Variants in HPS3 observed in about 807,000 individuals in gnomAD.
HPS3 encodes HPS3 biogenesis of lysosomal organelles complex 2 subunit 1.
In HPS3, 79 loss-of-function variants were observed where a neutral mutation model predicts 110.9. The ratio of observed to expected loss-of-function variants is 0.71; its 90% CI spans 0.59 to 0.86. The LOEUF (loss-of-function observed/expected upper bound fraction) is 0.86, where lower values mean the gene tolerates loss of function less well. Among genes scored for constraint, HPS3 ranks in the 40% least tolerant of loss-of-function variants. The pLI, the probability that HPS3 is intolerant of heterozygous loss-of-function variation, is 0.00. For synonymous variants in HPS3, 428 were observed against 451.0 expected, an observed-to-expected ratio of 0.95 and a Z score of 0.65; for missense variants, 1,197 against 1,206.2, an observed-to-expected ratio of 0.99 and a Z score of 0.11.
chr3:149,148,480 G>A (rs57834256), intron 5 of HPS3, among the ~76,000 whole-genome samples: 2,259 of 139,262 alleles, frequency 0.016, 68 homozygotes, highest in African/African-American at 0.058. Context: ...TCAGCTCACT[G>A]CAACCTCCAC....
At chr3:149,159,921 A>G (rs1287755646) in intron 10 of HPS3, 125 bp from the exon 11 acceptor site, 3 of 721,826 alleles carry the variant, frequency 4.2e-6, no homozygotes, top group Non-Finnish European at 7.5e-6. Flanking sequence ...AAAACATAAT[A>G]CTATAATTTT....
At position 149,145,412 on chromosome 3, in the gene HPS3, T is replaced by G. The variant is rs1337789289; in HGVS notation, c.1029T>G (p.Phe343Leu). The change falls in exon 5 of 17, where the codon TTT (phenylalanine) becomes TTG (leucine). Residue 343 changes from phenylalanine (F) to leucine (L), a missense_variant. Transcript: ENST00000296051. Reference sequence around the variant, plus strand: ...AGGAAAAAGAATTGCTGAGTCTCTTTTGCTTTTTCTCCTTACCTCATGTGG... The same window carrying G: ...AGGAAAAAGAATTGCTGAGTCTCTTGTGCTTTTTCTCCTTACCTCATGTGG... ...LSQEKELLSLFCFFSLPHVGY... is the reference protein window; with the variant it reads ...LSQEKELLSLLCFFSLPHVGY... 1 of 1,614,022 alleles carries G rather than the reference T, an allele frequency of 6.2e-7. No individual in the cohort carries two copies. Among genetic ancestry groups the G allele is most frequent in the Non-Finnish European group, 8.5e-7 (1 of 1,180,002 alleles).
At chr3:149,150,783 G>A (rs564846944) in intron 6 of HPS3, 103 bp downstream of exon 6, 2 of 899,424 alleles carry the variant, frequency 2.2e-6, no homozygotes, top group East Asian at 2.4e-5. Context: ...GAACAAAAGA[G>A]CTTAAGGTTG....
Position 149,140,504 on chromosome 3 carries a change from T to G in HPS3, c.712+6T>G. ...AATAAGACGGACAGAAGAAGGTAAATAATGAATTTGACTTGCTTTCTTGTT... is the reference window on the plus strand; with the variant it reads ...AATAAGACGGACAGAAGAAGGTAAAGAATGAATTTGACTTGCTTTCTTGTT... On this transcript the variant is annotated splice_donor_region_variant and intron_variant, in intron 2 of 16. Transcript: ENST00000296051. 6.2e-7 allele frequency: 1 copy of G among 1,614,006 alleles called. No homozygotes were observed. The highest frequency in any genetic ancestry group is 8.5e-7 in the Non-Finnish European group (1 of 1,179,958).
At chr3:149,168,100 A>G (rs2108187870) in intron 16 of HPS3, 117 bp downstream of exon 16, 1 of 686,632 alleles carries the variant, frequency 1.5e-6, no homozygotes, top group East Asian at 2.7e-5. Context: ...TTTCAGAACC[A>G]TCTGGGGAGC....
intron 1 of HPS3, 78 bp downstream of exon 1, chr3:149,130,018 G>A: frequency 7.4e-7 from 1 of 1,357,596 alleles, no homozygotes; most frequent in Non-Finnish European, 1.0e-6. Context: ...CGTCTGGGCT[G>A]TAGCTCTAGC....
intron 16 of HPS3, among the ~76,000 whole-genome samples, chr3:149,171,289 T>A (rs946156523): frequency 6.0e-5 from 9 of 148,798 alleles, no homozygotes; most frequent in African/African-American, 1.5e-4. Context: ...AAAAAAAAAA[T>A]ATATTGTTCA....
intron 1 of HPS3, among the ~76,000 whole-genome samples, chr3:149,133,510 G>A (rs557770191): frequency 6.6e-6 from 1 of 152,112 alleles, no homozygotes; most frequent in South Asian, 2.1e-4. Flanking sequence ...GGTTGGTCAG[G>A]CTGGTCTCAA....
rs1316218323 is a variant in HPS3 at position 149,145,351 on chromosome 3, C to T, written c.971-3C>T. On this transcript the variant is annotated splice_polypyrimidine_tract_variant and splice_region_variant and intron_variant, in intron 4 of 16. Coordinates refer to ENST00000296051, the MANE Select transcript of HPS3 (RefSeq NM_032383.5). ...GTTTTATTTCTTTCATTTTTGCATG[C>T]AGGTTCTCTTACATCTGATGGAAAA... The T allele has an allele frequency of 6.2e-7, 1 of 1,607,044 alleles. No individual in the cohort carries two copies. The highest frequency in any genetic ancestry group is 2.2e-5 in the East Asian group (1 of 44,848).
Position 149,153,666 on chromosome 3 carries a change from C to A in HPS3, c.1400+18C>A. ...AGGCTTCTGTAAGCATCCCCTTGCC[C>A]CAGGCATTCCTGCCAGTTTCTGGAA... is the stretch of plus-strand genomic sequence containing the variant. On this transcript the variant is annotated intron_variant, in intron 7 of 16. Transcript: ENST00000296051. 6.2e-7 allele frequency: 1 copy of A among 1,613,420 alleles called. No individual in the cohort carries two copies. The highest frequency in any genetic ancestry group is 1.1e-5 in the South Asian group (1 of 91,058).
chr3:149,168,265 A>T (rs188100826), intron 16 of HPS3: 3 of 372,348 alleles, frequency 8.1e-6, no homozygotes, highest in Non-Finnish European at 1.5e-5. Flanking sequence ...AAATGTGAGT[A>T]GTCATTAAGG....
chr3:149,172,292 A>G lies in HPS3; in HGVS notation c.*70A>G. 3.3e-6 allele frequency: 4 copies of G among 1,206,856 alleles called. No individual in the cohort carries two copies. Among genetic ancestry groups the G allele is most frequent in the Non-Finnish European group, 4.8e-6 (4 of 836,052 alleles). 74.8% of individuals were successfully genotyped at this position (1,206,856 alleles called of 1,614,324 possible). ...TCTAAAAATTGAATGCCAAAGTACA[A>G]GTAGAGGAGTTTTTTATTTTATATA... On this transcript the variant is annotated 3_prime_UTR_variant, in exon 17 of 17. Coordinates refer to ENST00000296051, the MANE Select transcript of HPS3 (RefSeq NM_032383.5).
At position 149,155,198 on chromosome 3, in the gene HPS3, C is replaced by A; in HGVS notation, c.1492C>A (p.Gln498Lys). ...LYIVNTISPVQLYKEMVDYSN... is the reference protein window; with the variant it reads ...LYIVNTISPVKLYKEMVDYSN... ...TATTGTGAATACGATCTCACCAGTG[C>A]AGCTGTACAAAGAGATGGTACTCTT... The change falls in exon 8 of 17, where the codon CAG (glutamine) becomes AAG (lysine). Residue 498 changes from glutamine (Q) to lysine (K), a missense_variant. By Grantham distance (53) the Gln-to-Lys change is moderately conservative. Coordinates refer to ENST00000296051, the MANE Select transcript of HPS3 (RefSeq NM_032383.5). 1 of 1,554,576 alleles carries A rather than the reference C, an allele frequency of 6.4e-7. No individual in the cohort carries two copies. The highest frequency in any genetic ancestry group is 8.9e-7 in the Non-Finnish European group (1 of 1,126,016).
At chr3:149,152,857 A>G (rs1476972782) in intron 6 of HPS3, among the ~76,000 whole-genome samples, 4 of 152,108 alleles carry the variant, frequency 2.6e-5, no homozygotes, top group Non-Finnish European at 5.9e-5. Context: ...TATTCATTCT[A>G]CTTGAATTAA....
Position 149,141,200 on chromosome 3 carries a change from CT to C in HPS3, c.884+25del, listed in dbSNP as rs10693502. On this transcript the variant is annotated intron_variant, in intron 3 of 16. Coordinates refer to ENST00000296051, the MANE Select transcript of HPS3 (RefSeq NM_032383.5). ...CACCTGCTCTATAGGTATTATAGTG[CT>C]TTTTTTTTTTTTACCAGCATTTTAT... 0.066 allele frequency: 95,023 copies of C among 1,434,200 alleles called. 23 individuals are homozygous for C. Among genetic ancestry groups the C allele is most frequent in the East Asian group, 0.093 (3,707 of 39,684 alleles). 88.8% of individuals were successfully genotyped at this position (1,434,200 alleles called of 1,614,324 possible). A position where few individuals can be genotyped will look rare whatever the true frequency, so the allele number is the denominator to read the frequency against.
At position 149,140,319 on chromosome 3, in the gene HPS3, C is replaced by T. The variant is rs756348740; in HGVS notation, c.533C>T (p.Ser178Phe). 11 of 1,613,576 alleles carry T rather than the reference C, an allele frequency of 6.8e-6. No homozygotes were observed. The highest frequency in any genetic ancestry group is 9.3e-6 in the Non-Finnish European group (11 of 1,179,538). ...EEFSLLDFER[S>F]LIIHIDNITP... ...TTCTCACTATTGGACTTTGAACGTT[C>T]TTTAATTATACACATAGATAATATC... The change falls in exon 2 of 17, where the codon TCT (serine) becomes TTT (phenylalanine). Residue 178 changes from serine (S) to phenylalanine (F), a missense_variant. By Grantham distance (155) the Ser-to-Phe change is radical. Transcript: ENST00000296051.
At chr3:149,157,707 A>G (rs937809685) in intron 9 of HPS3, among the ~76,000 whole-genome samples, 176 bp downstream of exon 9, 2 of 152,236 alleles carry the variant, frequency 1.3e-5, no homozygotes, top group African/African-American at 4.8e-5. Context: ...AGGCTTAAAC[A>G]TACAAAAATG....
intron 1 of HPS3, among the ~76,000 whole-genome samples, chr3:149,137,113 C>CT (rs1336263475): frequency 6.6e-6 from 1 of 152,076 alleles, no homozygotes; most frequent in African/African-American, 2.4e-5. Context: ...ATAAAGAACT[C>CT]TTACAACTCA....
intron 6 of HPS3, among the ~76,000 whole-genome samples, chr3:149,151,524 A>T (rs1723109896): frequency 6.8e-6 from 1 of 147,292 alleles, no homozygotes; most frequent in African/African-American, 2.5e-5. Flanking sequence ...ACTTAATCGA[A>T]GAGTTAATGG....
Sources: gnomAD v4.1 joint callset for allele counts (sites outside exome capture counted in the v4.1 genomes callset) on GRCh38, gnomAD v4.1.1 for gene constraint, MANE v1.5 for transcripts, NCBI Gene and HGNC (gene_info 2026-07-23, HGNC 2026-07-21) for gene names.